The following CTNNA3 variants were observed in gnomAD, a reference collection of about 807,000 sequenced individuals.
CTNNA3 encodes catenin alpha 3.
In CTNNA3, 76 loss-of-function variants were observed where a neutral mutation model predicts 95.7. That is an observed-to-expected ratio of 0.79 (90% CI 0.66 to 0.96). The LOEUF is 0.96. Among genes scored for constraint, CTNNA3 ranks in the 40% least tolerant of loss-of-function variants. CTNNA3 has a pLI of 0.00. For missense variants in CTNNA3, 1,191 were observed against 1,089.8 expected, an observed-to-expected ratio of 1.09 and a Z score of -1.31; for synonymous variants, 431 against 374.4, an observed-to-expected ratio of 1.15 and a Z score of -1.74.
intron 7 of CTNNA3, among the ~76,000 whole-genome samples, chr10:66,957,393 CATATATAT>C (rs10532386): frequency 0.057 from 4,738 of 83,090 alleles, 378 homozygotes; most frequent in Middle Eastern, 0.1. Flanking sequence ...TATATATATA[CATATATAT>C]ATATATATAT....
chr10:66,591,418 T>C (rs899526764), intron 10 of CTNNA3, among the ~76,000 whole-genome samples: 3 of 152,130 alleles, frequency 2.0e-5, no homozygotes, highest in Non-Finnish European at 4.4e-5. Flanking sequence ...AAGGAAAAGA[T>C]ATCATTTTGA....
intron 3 of CTNNA3, among the ~76,000 whole-genome samples, chr10:67,597,630 A>G (rs1348653907): frequency 6.6e-6 from 1 of 152,130 alleles, no homozygotes; most frequent in Non-Finnish European, 1.5e-5. Flanking sequence ...TGGAGAGACC[A>G]AGATTTTCCT....
chr10:67,100,478 A>G (rs1180055023), intron 7 of CTNNA3, among the ~76,000 whole-genome samples: 1 of 151,766 alleles, frequency 6.6e-6, no homozygotes, highest in East Asian at 1.9e-4. Flanking sequence ...TCTTTATCAC[A>G]TATTTCCAAT....
At chr10:67,329,905 T>C (rs1841712468) in intron 5 of CTNNA3, among the ~76,000 whole-genome samples, 1 of 152,178 alleles carries the variant, frequency 6.6e-6, no homozygotes, top group African/African-American at 2.4e-5. Flanking sequence ...AACCCAGGCG[T>C]CTTCCAACTT....
chr10:66,077,656 C>T (rs1352133163), intron 14 of CTNNA3, among the ~76,000 whole-genome samples: 1 of 151,574 alleles, frequency 6.6e-6, no homozygotes, highest in Non-Finnish European at 1.5e-5. Context: ...TAGCATAAAC[C>T]TTTCTCCAAA....
At chr10:67,176,802 A>G in intron 7 of CTNNA3, 1 of 394,704 alleles carries the variant, frequency 2.5e-6, no homozygotes, top group East Asian at 7.1e-5. Context: ...TCAGAGAAAC[A>G]TGACGTTGCT....
chr10:66,791,610 C>T (rs1265446293), intron 7 of CTNNA3, among the ~76,000 whole-genome samples: 2 of 152,134 alleles, frequency 1.3e-5, no homozygotes, highest in Non-Finnish European at 2.9e-5. Context: ...CATCTCTCCC[C>T]CAATAGATAT....
chr10:66,302,173 T>A (rs542654274), intron 12 of CTNNA3, among the ~76,000 whole-genome samples: 18 of 152,130 alleles, frequency 1.2e-4, no homozygotes, highest in Admixed American at 1.2e-3. Context: ...TCAAAGAAGA[T>A]CTACATAAAT....
chr10:66,138,611 CT>C (rs769397136), intron 13 of CTNNA3, among the ~76,000 whole-genome samples: 5 of 152,172 alleles, frequency 3.3e-5, no homozygotes, highest in Non-Finnish European at 7.3e-5. Flanking sequence ...GGCAGATCAC[CT>C]GCCATCAGGA....
At chr10:66,153,848 T>TACACACAC (rs148457020) in intron 13 of CTNNA3, among the ~76,000 whole-genome samples, 3,293 of 149,034 alleles carry the variant, frequency 0.022, 90 homozygotes, top group African/African-American at 0.066. Flanking sequence ...ATAATTTGTT[T>TACACACAC]ACACACACAC....
chr10:67,606,838 C>T lies in CTNNA3; in HGVS notation c.292+19G>A, dbSNP rs905881656. The T allele has an allele frequency of 2.5e-6, 4 of 1,592,806 alleles. No homozygotes were observed. The highest frequency in any genetic ancestry group is 3.4e-6 in the Non-Finnish European group (4 of 1,166,554). On this transcript the variant is annotated intron_variant, in intron 3 of 17. Coordinates refer to ENST00000433211, the MANE Select transcript of CTNNA3 (RefSeq NM_013266.4). Reference sequence around the variant, plus strand: ...CTAAAGATATGCAGTTTGCTCCTGACCAGGATTGGAGTACTCACTTTCTTT... The same window carrying T: ...CTAAAGATATGCAGTTTGCTCCTGATCAGGATTGGAGTACTCACTTTCTTT...
chr10:67,748,400 G>C (rs1448655573), intron 1 of CTNNA3, among the ~76,000 whole-genome samples: 1 of 152,126 alleles, frequency 6.6e-6, no homozygotes, highest in African/African-American at 2.4e-5. Flanking sequence ...ACTAACAGCA[G>C]ACCTCTCAGC....
At chr10:66,343,489 C>A (rs553473458) in intron 12 of CTNNA3, among the ~76,000 whole-genome samples, 1 of 151,816 alleles carries the variant, frequency 6.6e-6, no homozygotes, top group Non-Finnish European at 1.5e-5. Flanking sequence ...AAGTTAAACA[C>A]CACACTTTCT....
intron 13 of CTNNA3, among the ~76,000 whole-genome samples, chr10:66,219,493 C>T (rs1004357496): frequency 6.6e-6 from 1 of 152,054 alleles, no homozygotes; most frequent in Admixed American, 6.6e-5. Context: ...CCGTTTTGTT[C>T]CCTCTCTCTC....
chr10:67,314,260 C>T (rs1156268678), intron 5 of CTNNA3, among the ~76,000 whole-genome samples: 1 of 152,114 alleles, frequency 6.6e-6, no homozygotes, highest in African/African-American at 2.4e-5. Context: ...GCTAGGAAAT[C>T]AGTTTCAAGA....
chr10:66,905,623 T>C (rs1219536680), intron 7 of CTNNA3, among the ~76,000 whole-genome samples: 3 of 152,248 alleles, frequency 2.0e-5, no homozygotes, highest in African/African-American at 4.8e-5. Flanking sequence ...TAATTGCCCA[T>C]TGATCATGAC....
At chr10:67,572,207 T>C (rs1023215407) in intron 3 of CTNNA3, among the ~76,000 whole-genome samples, 5 of 152,098 alleles carry the variant, frequency 3.3e-5, no homozygotes, top group African/African-American at 9.7e-5. Context: ...TTTACTTAAA[T>C]TTTTTTTGTA....
chr10:66,928,193 C>T, intron 7 of CTNNA3: 1 of 1,614,096 alleles, frequency 6.2e-7, no homozygotes, highest in Non-Finnish European at 8.5e-7. Context: ...GGCAGCGTGG[C>T]GCTTTTCCTG....
At chr10:66,100,809 A>C (rs2081596389) in intron 14 of CTNNA3, among the ~76,000 whole-genome samples, 1 of 152,200 alleles carries the variant, frequency 6.6e-6, no homozygotes. Flanking sequence ...ATAATGTGGA[A>C]ATTTTTGAAA....
Sources: allele counts gnomAD v4.1 joint callset (sites outside exome capture counted in the v4.1 genomes callset), GRCh38; gene constraint gnomAD v4.1.1; transcripts MANE v1.5; gene names NCBI Gene and HGNC (gene_info 2026-07-23, HGNC 2026-07-21).